Variants in ZNF273 observed in about 807,000 individuals in gnomAD.
ZNF273 encodes zinc finger protein 9.
Under a neutral mutation model 14.9 loss-of-function variants are expected in ZNF273, and 11 were observed. That is an observed-to-expected ratio of 0.74 (90% CI 0.46 to 1.22). ZNF273 has a LOEUF of 1.22. Ranked by LOEUF, ZNF273 falls within the 50% of genes most tolerant of loss-of-function variation. The probability of loss-of-function intolerance (pLI) is 0.00; values close to 1 mark genes in which losing one functional copy is unlikely to be tolerated. For missense variants in ZNF273, 577 were observed against 660.6 expected, an observed-to-expected ratio of 0.87 and a Z score of 1.39; for synonymous variants, 199 against 223.9, an observed-to-expected ratio of 0.89 and a Z score of 0.99.
downstream of ZNF273, chr7:64,933,580 CCA>C (rs1299698140): frequency 6.6e-6 from 1 of 152,130 alleles, no homozygotes; most frequent in Admixed American, 6.5e-5. Flanking sequence ...TTGGCTTTTC[CCA>C]CAGACTGTAC....
At chr7:64,881,892 G>A (rs1791267796), downstream of ZNF273, among the ~76,000 whole-genome samples, 1 of 152,166 alleles carries the variant, frequency 6.6e-6, no homozygotes, top group African/African-American at 2.4e-5. Context: ...GTGCCCCTCA[G>A]CAGCACTCGT....
At chr7:64,924,595 G>A (rs1164690826) in intron 3 of ZNF273, among the ~76,000 whole-genome samples, 1 of 152,018 alleles carries the variant, frequency 6.6e-6, no homozygotes, top group Non-Finnish European at 1.5e-5. Context: ...GTCCGTACTT[G>A]TCTCTTTGGA....
chr7:64,915,392 CAG>C (rs1317182995), intron 1 of ZNF273, among the ~76,000 whole-genome samples: 2 of 152,158 alleles, frequency 1.3e-5, no homozygotes, highest in Non-Finnish European at 2.9e-5. Context: ...GAGCCTCAAA[CAG>C]AGATTTACCC....
chr7:64,903,798 C>A (rs916445488), intron 1 of ZNF273, among the ~76,000 whole-genome samples: 1 of 152,134 alleles, frequency 6.6e-6, no homozygotes, highest in South Asian at 2.1e-4. Context: ...TGGAAGTCAC[C>A]GCGAAAATAT....
intron 1 of ZNF273, among the ~76,000 whole-genome samples, chr7:64,887,255 A>C: frequency 6.6e-6 from 1 of 152,174 alleles, no homozygotes; most frequent in East Asian, 1.9e-4. Context: ...TTTTCTCTAA[A>C]ATGCACAGCC....
At chr7:64,918,164 C>G (rs1794146331) in intron 2 of ZNF273, 33 bp from the exon 3 acceptor site, 1 of 1,527,076 alleles carries the variant, frequency 6.5e-7, no homozygotes, top group Non-Finnish European at 8.9e-7. Context: ...AGAATATGAG[C>G]AAGATTCATG....
chr7:64,888,018 C>G (rs1016549072), intron 1 of ZNF273, among the ~76,000 whole-genome samples: 1 of 152,094 alleles, frequency 6.6e-6, no homozygotes, highest in African/African-American at 2.4e-5. Context: ...CTCCCCCATC[C>G]CTGAGAAGTC....
chr7:64,887,734 A>G (rs1791679161), intron 1 of ZNF273, among the ~76,000 whole-genome samples: 1 of 150,906 alleles, frequency 6.6e-6, no homozygotes, highest in Non-Finnish European at 1.5e-5. Context: ...TCCTGACCTC[A>G]TGATCTGCCC....
At chr7:64,899,255 G>GA (rs998818326), upstream of ZNF273, among the ~76,000 whole-genome samples, 1 of 152,046 alleles carries the variant, frequency 6.6e-6, no homozygotes, top group South Asian at 2.1e-4. Flanking sequence ...CCAAGCCATT[G>GA]AAAAAAAATG....
intron 3 of ZNF273, chr7:64,923,668 C>G (rs996914906): frequency 1.8e-5 from 4 of 221,820 alleles, no homozygotes; most frequent in Non-Finnish European, 3.6e-5. Context: ...CAGATCATAT[C>G]TACTGAATGA....
At chr7:64,910,067 A>G (rs115730197) in intron 1 of ZNF273, among the ~76,000 whole-genome samples, 210 of 151,406 alleles carry the variant, frequency 1.4e-3, no homozygotes, top group African/African-American at 5.0e-3. Flanking sequence ...TTAATTTTGG[A>G]TATTAGACAT....
At chr7:64,887,982 ACCCCAG>A (rs1006459923) in intron 1 of ZNF273, among the ~76,000 whole-genome samples, 3 of 151,660 alleles carry the variant, frequency 2.0e-5, no homozygotes, top group African/African-American at 7.3e-5. Context: ...GGAGGGCATA[ACCCCAG>A]CCCCAGGGCA....
rs1170389788 is a variant in ZNF273 at position 64,930,840 on chromosome 7, G to A, written c.*1802G>A. 6.6e-6 allele frequency: 1 copy of A among 151,988 alleles called. No homozygotes were observed. Among genetic ancestry groups the A allele is most frequent in the African/African-American group, 2.4e-5 (1 of 41,400 alleles). The allele number at this position is 151,988 out of a possible 1,614,324, so 9.4% of individuals were successfully genotyped here. ...ATGTAATAATCACATCAGGGTAAAT[G>A]AGGTATCCCTTACTAGCATTTATCC... On this transcript the variant is annotated 3_prime_UTR_variant, in exon 4 of 4. Coordinates refer to ENST00000476120, the MANE Select transcript of ZNF273 (RefSeq NM_021148.3).
chr7:64,921,621 TTTTTTTTTTTTTTTTTGTG>T (rs1396722033), intron 3 of ZNF273, among the ~76,000 whole-genome samples: 2 of 39,534 alleles, frequency 5.1e-5, no homozygotes, highest in Admixed American at 3.5e-4. Context: ...TTTTTTTTTT[TTTTTTTTTTTTTTTTTGTG>T]TGTGAGACAG....
At chr7:64,917,555 T>C (rs1277866874) in intron 1 of ZNF273, 26 bp from the exon 2 acceptor site, 2 of 1,582,370 alleles carry the variant, frequency 1.3e-6, no homozygotes, top group African/African-American at 1.4e-5. Flanking sequence ...TTGGTAAATA[T>C]GTTTTTGTGT....
chr7:64,883,211 A>ACCAC (rs1791351619), downstream of ZNF273, among the ~76,000 whole-genome samples: 2 of 97,606 alleles, frequency 2.0e-5, no homozygotes, highest in South Asian at 3.8e-4. Flanking sequence ...AGCCCAAATC[A>ACCAC]CCACCCCCCC....
intron 3 of ZNF273, among the ~76,000 whole-genome samples, chr7:64,921,605 CTTTTTTTTTT>C (rs752363426): frequency 5.2e-5 from 3 of 57,966 alleles, no homozygotes; most frequent in East Asian, 5.5e-4. Flanking sequence ...CATGCTAATG[CTTTTTTTTTT>C]TTTTTTTTTT....
chr7:64,916,493 C>A (rs1354009752), intron 1 of ZNF273, among the ~76,000 whole-genome samples: 1 of 143,894 alleles, frequency 6.9e-6, no homozygotes, highest in Admixed American at 7.2e-5. Context: ...TGCACTGAGC[C>A]GAGATCACAC....
intron 3 of ZNF273, among the ~76,000 whole-genome samples, chr7:64,921,637 T>TTTG (rs750737426): frequency 1.7e-4 from 5 of 29,576 alleles, no homozygotes; most frequent in African/African-American, 7.8e-4. Flanking sequence ...TTTTTTTTTT[T>TTTG]GTGTGTGAGA....
Sources: allele counts gnomAD v4.1 joint callset (sites outside exome capture counted in the v4.1 genomes callset), GRCh38; gene constraint gnomAD v4.1.1; transcripts MANE v1.5; gene names NCBI Gene and HGNC (gene_info 2026-07-23, HGNC 2026-07-21).